Variants in ANK2 observed in about 807,000 individuals in gnomAD.
ANK2 encodes the protein ankyrin 2, also known as ankyrin-2.
In ANK2, 83 loss-of-function variants were observed where a neutral mutation model predicts 360.5. That is an observed-to-expected ratio of 0.23 (90% confidence interval 0.19 to 0.28). The LOEUF is 0.28. Ranked by LOEUF, ANK2 falls within the 10% of genes least tolerant of loss-of-function variation. ANK2 has a pLI of 1.00. For synonymous variants in ANK2, 1,740 were observed against 1,759.5 expected, an observed-to-expected ratio of 0.99 and a Z score of 0.28; for missense variants, 4,201 against 4,795.7, an observed-to-expected ratio of 0.88 and a Z score of 3.66.
chr4:112,934,203 A>C (rs1284039523), intron 2 of ANK2, among the ~76,000 whole-genome samples: 1 of 152,206 alleles, frequency 6.6e-6, no homozygotes, highest in Admixed American at 6.5e-5. Context: ...TTCTTAATAA[A>C]AACTTTTGCA....
At chr4:112,933,661 C>T (rs749990248) in intron 2 of ANK2, among the ~76,000 whole-genome samples, 7 of 151,966 alleles carry the variant, frequency 4.6e-5, no homozygotes, top group African/African-American at 1.2e-4. Context: ...CCACCAAGCC[C>T]GGGTAATTTT....
chr4:112,978,921 C>T (rs1198767582), intron 2 of ANK2, among the ~76,000 whole-genome samples: 1 of 152,214 alleles, frequency 6.6e-6, no homozygotes, highest in African/African-American at 2.4e-5. Flanking sequence ...CATATCTTGA[C>T]TCTGTAGATC....
At chr4:113,175,834 G>A (rs187535782) in intron 2 of ANK2, among the ~76,000 whole-genome samples, 13 of 152,262 alleles carry the variant, frequency 8.5e-5, no homozygotes, top group Non-Finnish European at 1.6e-4. Flanking sequence ...TGTCACTGAT[G>A]TCAATATTTC....
chr4:113,044,180 C>A (rs1490992727), intron 2 of ANK2, among the ~76,000 whole-genome samples: 1 of 152,110 alleles, frequency 6.6e-6, no homozygotes, highest in Non-Finnish European at 1.5e-5. Flanking sequence ...ACACCATAAT[C>A]TCAGTGATTA....
intron 13 of ANK2, among the ~76,000 whole-genome samples, chr4:113,263,603 GT>G (rs1337956947): frequency 2.6e-5 from 4 of 152,168 alleles, no homozygotes; most frequent in African/African-American, 7.2e-5. Context: ...TCACCTTAAA[GT>G]TTCTAGATTT....
chr4:113,193,162 G>A (rs17045735), intron 2 of ANK2, among the ~76,000 whole-genome samples: 6,553 of 152,166 alleles, frequency 0.043, 165 homozygotes, highest in East Asian at 0.057. Context: ...ATATTTTTAA[G>A]TTAATGAAGG....
At chr4:112,821,771 ATT>A (rs70958489) in intron 1 of ANK2, among the ~76,000 whole-genome samples, 1 of 135,386 alleles carries the variant, frequency 7.4e-6, no homozygotes. Context: ...TGAGTCATAG[ATT>A]TTTTTTTTTT....
rs1404621469 is a variant in ANK2, at chr4:113,012,180, TAATTGGTTTTTATTCCCTA to T, written c.21+107667_21+107685del. On this transcript the variant is annotated intron_variant, in intron 2 of 30. Coordinates refer to the ANK2 transcript ENST00000503271. ...GCCATTCAGGGGAAGGAGGAGAAGG[TAATTGGTTTTTATTCCCTA>T]TCAAAACAGAATGATTCAGGACCTG... 2.0e-5 allele frequency among the ~76,000 whole-genome samples: 3 copies of T among 152,122 alleles called. No individual in the cohort carries two copies. In the South Asian group the frequency reaches 6.2e-4, roughly 32 times the overall value.
chr4:112,972,852 A>G (rs1175789320), intron 2 of ANK2, among the ~76,000 whole-genome samples: 1 of 152,188 alleles, frequency 6.6e-6, no homozygotes, highest in Admixed American at 6.5e-5. Context: ...AAAATAAATG[A>G]AACAATGTCT....
At chr4:113,165,383 A>G (rs2154406629) in intron 1 of ANK2, among the ~76,000 whole-genome samples, 1 of 152,282 alleles carries the variant, frequency 6.6e-6, no homozygotes, top group African/African-American at 2.4e-5. Context: ...TGCTGGCCTG[A>G]AGAAGTACAG....
chr4:113,243,869 A>T (rs1484017540), intron 9 of ANK2, among the ~76,000 whole-genome samples: 1 of 152,156 alleles, frequency 6.6e-6, no homozygotes, highest in Non-Finnish European at 1.5e-5. Context: ...ATGCAAAAAA[A>T]TTTTTATCTT....
chr4:112,934,566 C>G (rs2093570633), intron 2 of ANK2, among the ~76,000 whole-genome samples: 1 of 152,174 alleles, frequency 6.6e-6, no homozygotes, highest in South Asian at 2.1e-4. Flanking sequence ...TTTCCTCTTT[C>G]AGCCCCGCTT....
At chr4:113,083,078 T>A (rs1297131879) in intron 1 of ANK2, among the ~76,000 whole-genome samples, 1 of 152,082 alleles carries the variant, frequency 6.6e-6, no homozygotes, top group Admixed American at 6.5e-5. Context: ...TTTAAATTTT[T>A]AAATTTTATT....
At chr4:113,126,174 C>T (rs115152249) in intron 1 of ANK2, among the ~76,000 whole-genome samples, 422 of 152,152 alleles carry the variant, frequency 2.8e-3, no homozygotes, top group African/African-American at 9.7e-3. Context: ...CTGATAATAC[C>T]AGGAGTTAGA....
chr4:112,772,206 G>A, the ANK2 span, among the ~76,000 whole-genome samples: 2 of 152,162 alleles, frequency 1.3e-5, no homozygotes, highest in Non-Finnish European at 2.9e-5. Context: ...TGGCTGGGAA[G>A]GCCTCACAAT....
intron 26 of ANK2, among the ~76,000 whole-genome samples, chr4:113,322,315 C>G (rs532554274): frequency 5.3e-5 from 8 of 152,276 alleles, no homozygotes; most frequent in Admixed American, 2.0e-4. Context: ...CTGCTCAATA[C>G]ACACAGCAAA....
At chr4:112,750,734 CTT>C in the ANK2 span, among the ~76,000 whole-genome samples, 1 of 145,994 alleles carries the variant, frequency 6.8e-6, no homozygotes, top group Admixed American at 6.9e-5. Flanking sequence ...TTCCTTTTTT[CTT>C]TTTTTTTTTG....
At chr4:113,050,679 TA>T (rs1380044399) in intron 1 of ANK2, among the ~76,000 whole-genome samples, 3 of 152,210 alleles carry the variant, frequency 2.0e-5, no homozygotes, top group Non-Finnish European at 2.9e-5. Flanking sequence ...AAAATGCATT[TA>T]TTTCCTGGAG....
the ANK2 span, among the ~76,000 whole-genome samples, chr4:112,731,013 G>A: frequency 2.6e-5 from 4 of 151,876 alleles, no homozygotes; most frequent in Non-Finnish European, 4.4e-5. Context: ...ATGGTGGCCC[G>A]TGCCTGTGGA....
Sources: allele counts gnomAD v4.1 joint callset (sites outside exome capture counted in the v4.1 genomes callset), GRCh38; gene constraint gnomAD v4.1.1; transcripts MANE v1.5; gene names NCBI Gene and HGNC (gene_info 2026-07-23, HGNC 2026-07-21).